Variants in TNFAIP6 observed in about 807,000 individuals in gnomAD.
TNFAIP6 encodes the protein tumor necrosis factor-inducible gene 6 protein.
Under a neutral mutation model 33.7 loss-of-function variants are expected in TNFAIP6, and 36 were observed. The ratio of observed to expected loss-of-function variants is 1.07; its 90% CI spans 0.82 to 1.41. The LOEUF (loss-of-function observed/expected upper bound fraction) is 1.41. Among genes scored for constraint, TNFAIP6 ranks in the 40% most tolerant of loss-of-function variants. TNFAIP6 has a pLI of 0.00. For synonymous variants in TNFAIP6, 113 were observed against 112.8 expected (o/e 1.00, Z -0.01); for missense variants, 273 against 331.9 (o/e 0.82, Z 1.38).
At chr2:151,371,197 C>T (rs1423149363) in intron 4 of TNFAIP6, among the ~76,000 whole-genome samples, 1 of 151,934 alleles carries the variant, frequency 6.6e-6, no homozygotes, top group South Asian at 2.1e-4. Context: ...AATATTTTTC[C>T]TTTGGCTTTT....
intron 4 of TNFAIP6, among the ~76,000 whole-genome samples, chr2:151,372,885 A>G (rs1484982279): frequency 6.6e-6 from 1 of 151,966 alleles, no homozygotes; most frequent in Non-Finnish European, 1.5e-5. Flanking sequence ...GTGCCATTGT[A>G]CTCCAGCCCG....
chr2:151,361,967 T>G (rs1684631089), intron 1 of TNFAIP6, among the ~76,000 whole-genome samples: 1 of 152,188 alleles, frequency 6.6e-6, no homozygotes, highest in Admixed American at 6.5e-5. Flanking sequence ...TATTGAGCTG[T>G]GGCAATGTCA....
intron 5 of TNFAIP6, among the ~76,000 whole-genome samples, chr2:151,375,392 TAA>T (rs1684888457): frequency 6.6e-6 from 1 of 151,990 alleles, no homozygotes; most frequent in Non-Finnish European, 1.5e-5. Flanking sequence ...AAAGAAGATA[TAA>T]GATACAGTTA....
At chr2:151,368,669 A>G (rs1684758092) in intron 3 of TNFAIP6, among the ~76,000 whole-genome samples, 1 of 152,058 alleles carries the variant, frequency 6.6e-6, no homozygotes, top group Non-Finnish European at 1.5e-5. Context: ...GTTTAAAATC[A>G]GTAAAGGCAG....
At chr2:151,378,748 CA>C (rs1379633651) in intron 5 of TNFAIP6, among the ~76,000 whole-genome samples, 1 of 151,838 alleles carries the variant, frequency 6.6e-6, no homozygotes, top group African/African-American at 2.4e-5. Context: ...CTCGACCTCC[CA>C]AAGTGCTGGG....
intron 4 of TNFAIP6, among the ~76,000 whole-genome samples, chr2:151,370,763 C>A (rs1221901006): frequency 1.3e-5 from 2 of 152,144 alleles, no homozygotes; most frequent in East Asian, 1.9e-4. Context: ...GTTCTAATTT[C>A]TTACAACCTT....
intron 3 of TNFAIP6, among the ~76,000 whole-genome samples, chr2:151,367,571 A>G (rs1684734571): frequency 6.6e-6 from 1 of 152,180 alleles, no homozygotes. Context: ...CTCTAGAGTC[A>G]TTGAAGAAGT....
chr2:151,376,865 C>CTT (rs71403162), intron 5 of TNFAIP6, among the ~76,000 whole-genome samples: 1,212 of 114,164 alleles, frequency 0.011, 21 homozygotes, highest in African/African-American at 0.03. Context: ...TTTTTCTTTT[C>CTT]TTTTTTTTTT....
In TNFAIP6 at chr2:151,366,105, C is replaced by T; in HGVS notation, c.282C>T (p.Tyr94=). 6.2e-7 allele frequency: 1 copy of T among 1,614,074 alleles called. No individual in the cohort carries two copies. Among genetic ancestry groups the T allele is most frequent in the Non-Finnish European group, 8.5e-7 (1 of 1,179,982 alleles). ...GGATGGCTAAGGGCAGAGTTGGATACCCCATTGTGAAGCCAGGGCCCAACT... is the reference window on the plus strand; with the variant it reads ...GGATGGCTAAGGGCAGAGTTGGATATCCCATTGTGAAGCCAGGGCCCAACT... ...AGWMAKGRVG[Y]PIVKPGPNCG... The change falls in exon 3 of 6, where the codon TAC becomes TAT. Residue 94 remains tyrosine (Y), a synonymous_variant. Coordinates refer to ENST00000243347, the MANE Select transcript of TNFAIP6 (RefSeq NM_007115.4).
chr2:151,375,028 G>A (rs1470352054), intron 5 of TNFAIP6, among the ~76,000 whole-genome samples: 1 of 151,580 alleles, frequency 6.6e-6, no homozygotes, highest in Non-Finnish European at 1.5e-5. Flanking sequence ...GGGAGGCTGA[G>A]GCAGGAGAAT....
chr2:151,376,945 C>T (rs1348447686), intron 5 of TNFAIP6, among the ~76,000 whole-genome samples: 1 of 143,178 alleles, frequency 7.0e-6, no homozygotes, highest in Admixed American at 7.2e-5. Flanking sequence ...GGCGCCATCA[C>T]AGCTCACTAC....
At chr2:151,379,257 T>C in intron 5 of TNFAIP6, 107 bp from the exon 6 acceptor site, 2 of 1,043,046 alleles carry the variant, frequency 1.9e-6, no homozygotes, top group Non-Finnish European at 2.7e-6. Context: ...CTGGGAATCT[T>C]GTTCATGAAT....
chr2:151,381,036 C>T (rs1031742088), downstream of TNFAIP6, among the ~76,000 whole-genome samples: 6 of 152,214 alleles, frequency 3.9e-5, no homozygotes, highest in Non-Finnish European at 8.8e-5. Context: ...GGGACTCAGA[C>T]GATACCCTAA....
chr2:151,358,823 C>G (rs1191354193), intron 1 of TNFAIP6, among the ~76,000 whole-genome samples: 1 of 151,922 alleles, frequency 6.6e-6, no homozygotes, highest in Non-Finnish European at 1.5e-5. Context: ...TCACTGTGAT[C>G]CATTTGGCCA....
In TNFAIP6 at chr2:151,373,545, T is replaced by C; in HGVS notation, c.624-4T>C. ...ACATCTCTTTTCTAAAAATTCCTTT[T>C]CAGATACTGTGGAGATGAGCTTCCA... On this transcript the variant is annotated splice_polypyrimidine_tract_variant and splice_region_variant and intron_variant, in intron 4 of 5. Coordinates refer to ENST00000243347, the MANE Select transcript of TNFAIP6 (RefSeq NM_007115.4). The C allele has an allele frequency of 6.5e-7, 1 of 1,538,200 alleles. No individual in the cohort carries two copies. Among genetic ancestry groups the C allele is most frequent in the Non-Finnish European group, 8.8e-7 (1 of 1,136,376 alleles).
At chr2:151,358,984 A>C (rs1161988665) in intron 1 of TNFAIP6, among the ~76,000 whole-genome samples, 2 of 152,220 alleles carry the variant, frequency 1.3e-5, no homozygotes, top group Non-Finnish European at 2.9e-5. Flanking sequence ...TAAACTTTGA[A>C]ATATTATCAA....
At chr2:151,376,876 T>G (rs912681697) in intron 5 of TNFAIP6, among the ~76,000 whole-genome samples, 145 of 149,458 alleles carry the variant, frequency 9.7e-4, no homozygotes, top group African/African-American at 3.3e-3. Flanking sequence ...TTTTTTTTTT[T>G]TTTTTTTTTG....
chr2:151,378,584 G>A (rs1314061285), intron 5 of TNFAIP6, among the ~76,000 whole-genome samples: 1 of 151,790 alleles, frequency 6.6e-6, no homozygotes, highest in Non-Finnish European at 1.5e-5. Flanking sequence ...CGCCTCCCGG[G>A]TTCAAGGATT....
At chr2:151,381,185 G>C (rs1573789667), downstream of TNFAIP6, among the ~76,000 whole-genome samples, 3 of 152,154 alleles carry the variant, frequency 2.0e-5, no homozygotes, top group East Asian at 5.8e-4. Flanking sequence ...ATAAAAACCA[G>C]AATTCACCGG....
Sources: allele counts gnomAD v4.1 joint callset (sites outside exome capture counted in the v4.1 genomes callset), GRCh38; gene constraint gnomAD v4.1.1; transcripts MANE v1.5; gene names NCBI Gene and HGNC (gene_info 2026-07-23, HGNC 2026-07-21).